ALCAM: variants seen among roughly 807,000 people sequenced by gnomAD.
The protein encoded by ALCAM is activated leukocyte cell adhesion molecule, also known as CD166 antigen.
A neutral mutation model predicts 70.9 loss-of-function variants in ALCAM; 30 were observed. That is an observed-to-expected ratio of 0.42 (90% confidence interval 0.32 to 0.57). The LOEUF (loss-of-function observed/expected upper bound fraction) is 0.57. ALCAM is among the 20% of genes least tolerant of loss of function. The probability of loss-of-function intolerance (pLI) is 0.11; values close to 1 mark genes in which losing one functional copy is unlikely to be tolerated. For missense variants in ALCAM, 591 were observed against 695.1 expected (o/e 0.85, Z 1.68); for synonymous variants, 249 against 242.5 (o/e 1.03, Z -0.25).
Position 105,520,056 on chromosome 3 carries a change from TTC to T in ALCAM, c.74-10_74-9del. 8 of 1,525,118 alleles carry T rather than the reference TTC, an allele frequency of 5.2e-6. No individual in the cohort carries two copies. The highest frequency in any genetic ancestry group is 2.0e-5 in the Admixed American group (1 of 49,808). The allele number at this position is 1,525,118 out of a possible 1,614,324, so 94.5% of individuals were successfully genotyped here. ...CTTTCTCTCTTCTTCCTTTTTTTTTTTCCCCCAAAGGCCTTGGATGGTATACT... is the reference window on the plus strand; with the variant it reads ...CTTTCTCTCTTCTTCCTTTTTTTTTTCCCCAAAGGCCTTGGATGGTATACT... On this transcript the variant is annotated splice_polypyrimidine_tract_variant and intron_variant, in intron 1 of 15. Transcript: ENST00000306107.
chr3:105,378,042 T>G (rs183922281), intron 1 of ALCAM, among the ~76,000 whole-genome samples: 1 of 152,010 alleles, frequency 6.6e-6, no homozygotes, highest in Non-Finnish European at 1.5e-5. Flanking sequence ...GTAAATCATC[T>G]TTTGAACAAT....
At chr3:105,387,250 ACACT>A (rs1935684195) in intron 1 of ALCAM, among the ~76,000 whole-genome samples, 2 of 151,690 alleles carry the variant, frequency 1.3e-5, no homozygotes, top group African/African-American at 4.8e-5. Flanking sequence ...ACACACACAC[ACACT>A]CACACACACA....
At chr3:105,486,473 T>A (rs1938430793) in intron 1 of ALCAM, among the ~76,000 whole-genome samples, 1 of 152,150 alleles carries the variant, frequency 6.6e-6, no homozygotes, top group Non-Finnish European at 1.5e-5. Context: ...CTTTATATTG[T>A]ACTTAACTGT....
chr3:105,548,158 A>G (rs77942787), intron 11 of ALCAM, among the ~76,000 whole-genome samples: 3,330 of 151,554 alleles, frequency 0.022, 62 homozygotes, highest in Non-Finnish European at 0.035. Context: ...GTAAAGGGTT[A>G]AGGATTTGTT....
chr3:105,391,202 A>G (rs1412464112), intron 1 of ALCAM, among the ~76,000 whole-genome samples: 1 of 151,986 alleles, frequency 6.6e-6, no homozygotes, highest in African/African-American at 2.4e-5. Flanking sequence ...GGCCATTTTC[A>G]CTATACTGAT....
At chr3:105,415,694 C>T (rs1936491357) in intron 1 of ALCAM, among the ~76,000 whole-genome samples, 1 of 151,890 alleles carries the variant, frequency 6.6e-6, no homozygotes, top group Non-Finnish European at 1.5e-5. Context: ...TCTTTCTGTG[C>T]CCTCTTTCTT....
chr3:105,390,691 G>C (rs752503637), intron 1 of ALCAM, among the ~76,000 whole-genome samples: 7 of 152,032 alleles, frequency 4.6e-5, no homozygotes, highest in Non-Finnish European at 1.0e-4. Flanking sequence ...GTCCTGAATG[G>C]TATTGCCTAG....
intron 1 of ALCAM, among the ~76,000 whole-genome samples, chr3:105,377,152 T>C (rs1223792751): frequency 6.6e-6 from 1 of 152,124 alleles, no homozygotes; most frequent in Non-Finnish European, 1.5e-5. Flanking sequence ...TAAAAAATTG[T>C]CTCATAGCAG....
intron 8 of ALCAM, among the ~76,000 whole-genome samples, chr3:105,543,226 G>T (rs1940166335): frequency 6.6e-6 from 1 of 151,804 alleles, no homozygotes; most frequent in Non-Finnish European, 1.5e-5. Flanking sequence ...CAAAGCAAAA[G>T]ACTTGGTTGC....
At chr3:105,553,041 TA>T (rs1940445858) in intron 14 of ALCAM, 1 of 998,638 alleles carries the variant, frequency 1.0e-6, no homozygotes, top group South Asian at 4.3e-5. Flanking sequence ...ATTACTCCCA[TA>T]TTCTAGTTAG....
At chr3:105,407,652 A>G (rs977422662) in intron 1 of ALCAM, among the ~76,000 whole-genome samples, 1 of 152,190 alleles carries the variant, frequency 6.6e-6, no homozygotes, top group African/African-American at 2.4e-5. Flanking sequence ...CCCCCAGATA[A>G]CTGGAACAAG....
At chr3:105,547,606 T>G (rs1410996842) in intron 11 of ALCAM, 83 bp downstream of exon 11, 2 of 1,508,042 alleles carry the variant, frequency 1.3e-6, no homozygotes, top group East Asian at 4.6e-5. Context: ...TAGGTTGGTT[T>G]GTTACCACAT....
chr3:105,378,735 A>G (rs1342090186), intron 1 of ALCAM, among the ~76,000 whole-genome samples: 1 of 151,478 alleles, frequency 6.6e-6, no homozygotes, highest in African/African-American at 2.4e-5. Flanking sequence ...CAAAACCTTT[A>G]TCCACTCAGC....
chr3:105,504,121 GA>G (rs765337542), intron 1 of ALCAM, among the ~76,000 whole-genome samples: 1 of 152,176 alleles, frequency 6.6e-6, no homozygotes, highest in Non-Finnish European at 1.5e-5. Flanking sequence ...TTAAAAGGGG[GA>G]AAGTTCCCTT....
chr3:105,508,639 G>A (rs975165346), intron 1 of ALCAM, among the ~76,000 whole-genome samples: 3 of 151,978 alleles, frequency 2.0e-5, no homozygotes, highest in Non-Finnish European at 4.4e-5. Context: ...ACAACATGAG[G>A]TTTTGATATA....
intron 1 of ALCAM, among the ~76,000 whole-genome samples, chr3:105,437,713 T>C (rs1937081212): frequency 1.1e-5 from 1 of 89,096 alleles, no homozygotes; most frequent in Non-Finnish European, 2.2e-5. Flanking sequence ...GAAAATAATC[T>C]AACGTGGAAA....
At chr3:105,436,826 T>C (rs1937061089) in intron 1 of ALCAM, among the ~76,000 whole-genome samples, 1 of 152,066 alleles carries the variant, frequency 6.6e-6, no homozygotes. Context: ...ATAAACTGAG[T>C]ACTGGGGAGG....
chr3:105,458,527 A>G (rs1206585144), intron 1 of ALCAM, among the ~76,000 whole-genome samples: 1 of 152,224 alleles, frequency 6.6e-6, no homozygotes. Flanking sequence ...GCTATTAGCT[A>G]TCACTTCTTA....
chr3:105,526,268 A>G (rs1430842176), intron 3 of ALCAM, among the ~76,000 whole-genome samples: 1 of 149,056 alleles, frequency 6.7e-6, no homozygotes, highest in East Asian at 2.0e-4. Flanking sequence ...TATTTGTGAC[A>G]GTTTTCAAAA....
Sources: gnomAD v4.1 joint callset for allele counts (sites outside exome capture counted in the v4.1 genomes callset) on GRCh38, gnomAD v4.1.1 for gene constraint, MANE v1.5 for transcripts, NCBI Gene and HGNC (gene_info 2026-07-23, HGNC 2026-07-21) for gene names.